The following FANCD2 variants were observed in gnomAD, a reference collection of about 807,000 sequenced individuals.
The protein encoded by FANCD2 is Fanconi anemia group D2 protein.
A neutral mutation model predicts 192.3 loss-of-function variants in FANCD2; 131 were observed. The observed-to-expected ratio is 0.68, with a 90% CI of 0.59 to 0.79. The LOEUF is 0.79. Ranked by LOEUF, FANCD2 falls within the 30% of genes least tolerant of loss-of-function variation. FANCD2 has a pLI of 0.00. For synonymous variants in FANCD2, 524 were observed against 612.5 expected, an observed-to-expected ratio of 0.86 and a Z score of 2.13; for missense variants, 1,508 against 1,701.6, an observed-to-expected ratio of 0.89 and a Z score of 2.00.
rs1320417162 is a variant in FANCD2, at chr3:10,088,533, C to T, written c.3551C>T (p.Ala1184Val). 2 of 1,599,846 alleles carry T rather than the reference C, an allele frequency of 1.3e-6. No individual in the cohort carries two copies. The highest frequency in any genetic ancestry group is 1.7e-6 in the Non-Finnish European group (2 of 1,167,106). Residue 1184 changes from alanine (A) to valine (V), a missense_variant, in exon 35 of 44, where the codon GCT (alanine) becomes GTT (valine). Coordinates refer to ENST00000675286, the MANE Select transcript of FANCD2 (RefSeq NM_001018115.3). Reference sequence around the variant, plus strand: ...AACATCTCTAATGACCAGCTCCATGCTCTGCTCTGGTGAGATGTTTGGTTT... The same window carrying T: ...AACATCTCTAATGACCAGCTCCATGTTCTGCTCTGGTGAGATGTTTGGTTT... ...KSNISNDQLHALLCIYLEHTE... is the reference protein window; with the variant it reads ...KSNISNDQLHVLLCIYLEHTE...
Position 10,043,637 on chromosome 3 carries a change from A to G in FANCD2, c.1098+45A>G, listed in dbSNP as rs923287673. On this transcript the variant is annotated intron_variant, in intron 13 of 43. Coordinates refer to ENST00000675286, the MANE Select transcript of FANCD2 (RefSeq NM_001018115.3). ...GATTATCAAGGAGGAAATGAGTGGCAATTAGTGACAGATGTATAACTGAGG... is the reference window on the plus strand; with the variant it reads ...GATTATCAAGGAGGAAATGAGTGGCGATTAGTGACAGATGTATAACTGAGG... 8 of 1,437,348 alleles carry G rather than the reference A, an allele frequency of 5.6e-6. No individual in the cohort carries two copies. The African/African-American group carries it at 5.7e-5, about 10-fold the overall frequency. 89.0% of individuals were successfully genotyped at this position (1,437,348 alleles called of 1,614,324 possible).
intron 26 of FANCD2, among the ~76,000 whole-genome samples, chr3:10,068,089 AC>A (rs2087770999): frequency 6.6e-6 from 1 of 152,190 alleles, no homozygotes; most frequent in Non-Finnish European, 1.5e-5. Context: ...AAGGATACCC[AC>A]TTATATAATA....
rs143403347 is a variant in FANCD2, at chr3:10,088,465, A to T, written c.3483A>T (p.Gln1161His). ...NKEKIASLAR[Q>H]FLCRVWPSGD... ...TTCTAACAGCTTCCCTTGCCAGACAATTCCTCTGTCGGGTGTGGCCAAGTG... is the reference window on the plus strand; with the variant it reads ...TTCTAACAGCTTCCCTTGCCAGACATTTCCTCTGTCGGGTGTGGCCAAGTG... The change falls in exon 35 of 44, where the codon CAA (glutamine) becomes CAT (histidine). Residue 1161 changes from glutamine (Q) to histidine (H), a missense_variant. By Grantham distance (24) the Gln-to-His change is conservative (BLOSUM62 0). This residue lies in a region of FANCD2 where 796 missense variants were observed against 879.4 expected (regional missense o/e 0.91). Transcript: ENST00000675286. The T allele has an allele frequency of 6.8e-6, 11 of 1,609,148 alleles. No homozygotes were observed. The highest frequency in any genetic ancestry group is 1.1e-5 in the South Asian group (1 of 90,958).
intron 13 of FANCD2, 44 bp downstream of exon 13, chr3:10,043,636 C>T: frequency 7.0e-7 from 1 of 1,431,300 alleles, no homozygotes; most frequent in South Asian, 1.1e-5. Flanking sequence ...AAATGAGTGG[C>T]AATTAGTGAC....
intron 32 of FANCD2, 27 bp downstream of exon 32, chr3:10,081,491 A>G: frequency 2.1e-6 from 3 of 1,442,726 alleles, no homozygotes; most frequent in Non-Finnish European, 2.9e-6. Context: ...TGTGGAGAGA[A>G]CTGAGTATAT....
chr3:10,067,069 CGTT>C, intron 25 of FANCD2, 137 bp from the exon 26 acceptor site: 1 of 672,512 alleles, frequency 1.5e-6, no homozygotes, highest in Non-Finnish European at 2.7e-6. Flanking sequence ...CTGTATACCA[CGTT>C]GTTGAGGACA....
At chr3:10,079,814 G>A (rs1275975600) in intron 30 of FANCD2, among the ~76,000 whole-genome samples, 1 of 152,184 alleles carries the variant, frequency 6.6e-6, no homozygotes, top group Admixed American at 6.5e-5. Flanking sequence ...GAAGCAGTTG[G>A]ACGGTACATA....
Position 10,047,912 on chromosome 3 carries a change from T to C in FANCD2, c.1279-5T>C, listed in dbSNP as rs780651721. On this transcript the variant is annotated splice_polypyrimidine_tract_variant and splice_region_variant and intron_variant, in intron 15 of 43. Coordinates refer to ENST00000675286, the MANE Select transcript of FANCD2 (RefSeq NM_001018115.3). ...CTTTTCTCTCTCTACTCTTCCCCAC[T>C]CAAGGTTCTTAAGGATATGTGTTCA... is the stretch of plus-strand genomic sequence containing the variant. 1.4e-5 allele frequency: 23 copies of C among 1,612,316 alleles called. No homozygotes were observed. Among genetic ancestry groups the C allele is most frequent in the Non-Finnish European group, 1.9e-5 (23 of 1,180,048 alleles).
intron 7 of FANCD2, among the ~76,000 whole-genome samples, chr3:10,038,510 A>G (rs773206371): frequency 1.1e-4 from 17 of 152,060 alleles, no homozygotes; most frequent in African/African-American, 4.1e-4. Flanking sequence ...TTATTTATAA[A>G]TGATTTTTAG....
chr3:10,071,348 C>T (rs1217805759), intron 26 of FANCD2, among the ~76,000 whole-genome samples: 3 of 151,908 alleles, frequency 2.0e-5, no homozygotes, highest in Admixed American at 6.6e-5. Context: ...AGGTATATAC[C>T]CAAAAGAAAG....
Position 10,093,306 on chromosome 3 carries a change from C to CTGCATGTATGTTTGAAGGT in FANCD2, c.3872_3888+2dup. 1 of 1,613,318 alleles carries CTGCATGTATGTTTGAAGGT rather than the reference C, an allele frequency of 6.2e-7. No individual in the cohort carries two copies. The highest frequency in any genetic ancestry group is 8.5e-7 in the Non-Finnish European group (1 of 1,179,262). Reference sequence around the variant, plus strand: ...CCAGGTATTTGATAGTCATCCTGTTCTGCATGTATGTTTGAAGGTGAGAGA... The same window carrying CTGCATGTATGTTTGAAGGT: ...CCAGGTATTTGATAGTCATCCTGTTCTGCATGTATGTTTGAAGGTTGCATGTATGTTTGAAGGTGAGAGA... On this transcript the variant is annotated frameshift_variant, in exon 39 of 44. Transcript: ENST00000675286. LOFTEE classifies it high-confidence loss of function.
rs751173245 is a variant in FANCD2 at position 10,039,781 on chromosome 3, A to T, written c.631A>T (p.Ile211Phe). Reference sequence around the variant, plus strand: ...TGCTCCAGAGAACCTGCAGCATGACATCATCACCAGCCTACCTGAGATCCT... The same window carrying T: ...TGCTCCAGAGAACCTGCAGCATGACTTCATCACCAGCCTACCTGAGATCCT... The part of the protein sequence containing the change: ...SIAPENLQHD[I>F]ITSLPEILGD... The change falls in exon 9 of 44, where the codon ATC becomes TTC. Residue 211 changes from isoleucine (I) to phenylalanine (F), a missense_variant. Around this residue, in one of 5 missense-constraint regions of FANCD2, gnomAD observed 435 missense variants for 421.9 expected, o/e 1.03. Coordinates refer to ENST00000675286, the MANE Select transcript of FANCD2 (RefSeq NM_001018115.3). 6.2e-7 allele frequency: 1 copy of T among 1,614,014 alleles called. No individual in the cohort carries two copies. The highest frequency in any genetic ancestry group is 1.3e-5 in the African/African-American group (1 of 74,996).
At chr3:10,073,465 A>G in intron 28 of FANCD2, 103 bp downstream of exon 28, 1 of 950,780 alleles carries the variant, frequency 1.1e-6, no homozygotes, top group South Asian at 1.3e-5. Context: ...AAAATTAGGA[A>G]ACAGCGAGCC....
intron 2 of FANCD2, among the ~76,000 whole-genome samples, chr3:10,030,192 G>A (rs1287607172): frequency 6.6e-6 from 1 of 151,404 alleles, no homozygotes; most frequent in Non-Finnish European, 1.5e-5. Flanking sequence ...CGCCTCCCGG[G>A]TTCAAGCGAT....
At chr3:10,032,594 C>T (rs970846750) in intron 2 of FANCD2, among the ~76,000 whole-genome samples, 6 of 152,134 alleles carry the variant, frequency 3.9e-5, no homozygotes, top group Non-Finnish European at 8.8e-5. Flanking sequence ...ACATGAGCCA[C>T]CTTGCCTGGC....
intron 7 of FANCD2, among the ~76,000 whole-genome samples, chr3:10,036,984 C>T (rs1218442289): frequency 2.7e-5 from 4 of 150,942 alleles, no homozygotes; most frequent in Admixed American, 1.3e-4. Context: ...TACAGGTGTG[C>T]GCCACCCGGT....
In FANCD2 at chr3:10,101,375, C is replaced by CAA; in HGVS notation, c.*113_*114insAA. ...TTACTGGTAGGATCCTTTTTTGTTCCTCTTTTTTTTTTTTTTTTTTTTTTT... is the reference window on the plus strand; with the variant it reads ...TTACTGGTAGGATCCTTTTTTGTTCCAATCTTTTTTTTTTTTTTTTTTTTTTT... On this transcript the variant is annotated 3_prime_UTR_variant, in exon 44 of 44. Transcript: ENST00000675286. The CAA allele has an allele frequency of 1.7e-6, 1 of 581,586 alleles. No homozygotes were observed. The highest frequency in any genetic ancestry group is 2.9e-6 in the Non-Finnish European group (1 of 339,054). 36.0% of individuals were successfully genotyped at this position (581,586 alleles called of 1,614,324 possible). A position where few individuals can be genotyped will look rare whatever the true frequency, so the allele number is the denominator to read the frequency against.
intron 32 of FANCD2, 189 bp downstream of exon 32, chr3:10,081,653 G>A: frequency 1.6e-6 from 1 of 636,732 alleles, no homozygotes; most frequent in Non-Finnish European, 2.8e-6. Context: ...GTCCTTTGGA[G>A]CCACTATGTT....
intron 18 of FANCD2, among the ~76,000 whole-genome samples, chr3:10,052,911 C>CA (rs1234697108): frequency 7.7e-6 from 1 of 129,640 alleles, no homozygotes; most frequent in Non-Finnish European, 1.6e-5. Flanking sequence ...GAAATAGGAA[C>CA]ACTTTTACAC....
Sources: allele counts gnomAD v4.1 joint callset (sites outside exome capture counted in the v4.1 genomes callset), GRCh38; gene constraint gnomAD v4.1.1; regional missense constraint gnomAD v4.1.1; transcripts MANE v1.5; gene names NCBI Gene and HGNC (gene_info 2026-07-23, HGNC 2026-07-21).